LAMA1: variants seen among roughly 807,000 people sequenced by gnomAD.
LAMA1 encodes the protein laminin subunit alpha 1, also known as laminin subunit alpha-1.
In LAMA1, 219 loss-of-function variants were observed where a neutral mutation model predicts 348.7. The observed-to-expected ratio is 0.63, with a 90% CI of 0.56 to 0.70. The LOEUF (loss-of-function observed/expected upper bound fraction) is 0.70, where lower values mean the gene tolerates loss of function less well. Ranked by LOEUF, LAMA1 falls within the 30% of genes least tolerant of loss-of-function variation. The pLI is 0.00. For synonymous variants in LAMA1, 1,487 were observed against 1,491.0 expected, an observed-to-expected ratio of 1.00 and a Z score of 0.06; for missense variants, 3,744 against 3,888.0, an observed-to-expected ratio of 0.96 and a Z score of 0.99.
At chr18:7,070,194 C>T (rs1460513927) in intron 3 of LAMA1, among the ~76,000 whole-genome samples, 2 of 151,998 alleles carry the variant, frequency 1.3e-5, no homozygotes, top group Non-Finnish European at 2.9e-5. Context: ...TTTATTTTAC[C>T]AAGCAAATTC....
At chr18:6,956,402 A>G (rs1484251190) in intron 56 of LAMA1, 2 of 686,190 alleles carry the variant, frequency 2.9e-6, no homozygotes, top group East Asian at 2.9e-5. Flanking sequence ...CATCAGCCCA[A>G]TGCGCGGCCT....
chr18:6,990,129 T>C (rs958370571), intron 36 of LAMA1, among the ~76,000 whole-genome samples: 2 of 152,220 alleles, frequency 1.3e-5, no homozygotes, highest in African/African-American at 2.4e-5. Flanking sequence ...CATCATCCTA[T>C]AGATGAAAAT....
At chr18:7,033,160 A>G in intron 14 of LAMA1, 65 bp from the exon 15 acceptor site, 4 of 1,170,472 alleles carry the variant, frequency 3.4e-6, no homozygotes, top group Admixed American at 2.0e-5. Flanking sequence ...CTCAATGAAG[A>G]TGGGCTCCTA....
At chr18:7,023,423 GC>G in intron 18 of LAMA1, 48 bp from the exon 19 acceptor site, 1 of 1,490,122 alleles carries the variant, frequency 6.7e-7, no homozygotes, top group African/African-American at 1.4e-5. Context: ...GTTACTTAAG[GC>G]CTTACCGCAC....
chr18:7,040,665 A>G (rs191593178), intron 9 of LAMA1, among the ~76,000 whole-genome samples: 41 of 152,364 alleles, frequency 2.7e-4, no homozygotes, highest in African/African-American at 9.6e-4. Context: ...GTAAACACCC[A>G]ATAAAATAAT....
chr18:7,068,220 C>T (rs1046440338), intron 3 of LAMA1, among the ~76,000 whole-genome samples: 17 of 152,012 alleles, frequency 1.1e-4, no homozygotes, highest in South Asian at 4.1e-4. Context: ...GGTCCCTGCA[C>T]ACTCTACACC....
At chr18:7,067,562 CT>C (rs1383015178) in intron 3 of LAMA1, among the ~76,000 whole-genome samples, 1 of 151,822 alleles carries the variant, frequency 6.6e-6, no homozygotes, top group African/African-American at 2.4e-5. Context: ...GTGGGGGAGC[CT>C]TTTGGGGTGA....
rs2057932293 is a variant in LAMA1, at chr18:7,024,250, T to C, written c.2489+130A>G. ...TTAAAACATGAAATACTGATTTTTC[T>C]CAATGATTCTATGAAATAACAATTA... On this transcript the variant is annotated intron_variant, in intron 18 of 62. Coordinates refer to ENST00000389658, the MANE Select transcript of LAMA1 (RefSeq NM_005559.4). The C allele has an allele frequency of 1.0e-5, 7 of 692,150 alleles. No homozygotes were observed. The Admixed American group carries it at 1.9e-4, about 19-fold the overall frequency. The allele number at this position is 692,150 out of a possible 1,614,324, so 42.9% of individuals were successfully genotyped here.
At chr18:6,958,311 A>C (rs1370726490) in intron 55 of LAMA1, among the ~76,000 whole-genome samples, 166 bp downstream of exon 55, 2 of 152,148 alleles carry the variant, frequency 1.3e-5, no homozygotes, top group Non-Finnish European at 2.9e-5. Flanking sequence ...AATCCAATAA[A>C]ATCCATCTGG....
chr18:6,947,418 C>G, intron 60 of LAMA1, 122 bp from the exon 61 acceptor site: 1 of 1,153,406 alleles, frequency 8.7e-7, no homozygotes, highest in Admixed American at 1.9e-5. Context: ...CCAGCTGCAT[C>G]CCCACCAGCA....
chr18:7,073,656 T>C (rs1349658523), intron 3 of LAMA1, among the ~76,000 whole-genome samples: 3 of 152,234 alleles, frequency 2.0e-5, no homozygotes, highest in Non-Finnish European at 4.4e-5. Context: ...ATTCACCTGT[T>C]GATGGTTGAT....
intron 3 of LAMA1, among the ~76,000 whole-genome samples, chr18:7,054,894 T>A (rs747244515): frequency 2.6e-5 from 4 of 152,206 alleles, no homozygotes; most frequent in Admixed American, 6.5e-5. Context: ...ACTTTAAGAA[T>A]ATACCATAAA....
chr18:7,074,926 T>C (rs540880456), intron 3 of LAMA1, among the ~76,000 whole-genome samples: 1 of 144,762 alleles, frequency 6.9e-6, no homozygotes, highest in African/African-American at 2.6e-5. Flanking sequence ...TAATCTTTTC[T>C]TTAGTTTATC....
intron 16 of LAMA1, among the ~76,000 whole-genome samples, chr18:7,029,889 C>T (rs2057960688): frequency 6.6e-6 from 1 of 151,770 alleles, no homozygotes; most frequent in South Asian, 2.1e-4. Flanking sequence ...AGAATTAACT[C>T]CTGGAAGCTA....
intron 35 of LAMA1, among the ~76,000 whole-genome samples, 174 bp from the exon 36 acceptor site, chr18:6,992,894 T>TAAACATTC (rs2057765024): frequency 6.6e-6 from 1 of 152,184 alleles, no homozygotes; most frequent in African/African-American, 2.4e-5. Flanking sequence ...ATCCCCTAAC[T>TAAACATTC]AAACATTCAT....
intron 35 of LAMA1, 90 bp downstream of exon 35, chr18:6,993,551 G>T: frequency 1.0e-6 from 1 of 971,300 alleles, no homozygotes; most frequent in Non-Finnish European, 1.7e-6. Flanking sequence ...CGATGCAAGA[G>T]ATATACATCT....
At chr18:7,099,720 A>T (rs545498886) in intron 1 of LAMA1, among the ~76,000 whole-genome samples, 1 of 151,744 alleles carries the variant, frequency 6.6e-6, no homozygotes, top group Non-Finnish European at 1.5e-5. Context: ...AATAAAAAAT[A>T]AAAAAAACCT....
At chr18:7,102,641 A>C (rs765996850) in intron 1 of LAMA1, among the ~76,000 whole-genome samples, 29 of 152,296 alleles carry the variant, frequency 1.9e-4, no homozygotes, top group Non-Finnish European at 3.7e-4. Flanking sequence ...AGAAACAGAA[A>C]CCGCTCCCAA....
intron 21 of LAMA1, 112 bp from the exon 22 acceptor site, chr18:7,015,970 T>C: frequency 1.5e-6 from 2 of 1,314,310 alleles, no homozygotes; most frequent in Non-Finnish European, 2.2e-6. Context: ...TTCTCACTCC[T>C]AAAAGACGCC....
Sources: allele counts gnomAD v4.1 joint callset (sites outside exome capture counted in the v4.1 genomes callset), GRCh38; gene constraint gnomAD v4.1.1; transcripts MANE v1.5; gene names NCBI Gene and HGNC (gene_info 2026-07-23, HGNC 2026-07-21).